PIK3C2B: variants seen among roughly 807,000 people sequenced by gnomAD.
The protein encoded by PIK3C2B is phosphatidylinositol 4-phosphate 3-kinase C2 domain-containing subunit beta.
Under a neutral mutation model 184.3 loss-of-function variants are expected in PIK3C2B, and 83 were observed. The ratio of observed to expected loss-of-function variants is 0.45; its 90% CI spans 0.38 to 0.54. The LOEUF (loss-of-function observed/expected upper bound fraction) is 0.54, where lower values mean the gene tolerates loss of function less well. Among genes scored for constraint, PIK3C2B ranks in the 20% least tolerant of loss-of-function variants. The pLI, the probability that PIK3C2B is intolerant of heterozygous loss-of-function variation, is 0.00. For synonymous variants in PIK3C2B, 779 were observed against 837.6 expected, an observed-to-expected ratio of 0.93 and a Z score of 1.21; for missense variants, 1,736 against 2,113.5, an observed-to-expected ratio of 0.82 and a Z score of 3.50.
chr1:204,429,935 G>T lies in PIK3C2B; in HGVS notation c.4384C>A (p.Pro1462Thr), dbSNP rs537055085. ...GYIWHLIHAP[P>T]EVAECDLVYT... ...AGCCCACCCACCTCGGCCACCTCAGGGGGTGCGTGGATCAAGTGCCAGATG... is the reference window on the plus strand; with the variant it reads ...AGCCCACCCACCTCGGCCACCTCAGTGGGTGCGTGGATCAAGTGCCAGATG... The change falls in exon 29 of 33, where the codon CCT becomes ACT. Residue 1462 changes from proline (P) to threonine (T), a missense_variant. Pro to Thr is a conservative substitution (Grantham distance 38). This residue lies in a region of PIK3C2B where 200 missense variants were observed against 199.1 expected (regional missense o/e 1.00). Coordinates refer to ENST00000684373, the MANE Select transcript of PIK3C2B (RefSeq NM_001377334.1). The T allele has an allele frequency of 1.2e-6, 2 of 1,609,912 alleles. No individual in the cohort carries two copies. The highest frequency in any genetic ancestry group is 1.7e-6 in the Non-Finnish European group (2 of 1,177,360).
intron 23 of PIK3C2B, among the ~76,000 whole-genome samples, chr1:204,436,072 A>G (rs945557802): frequency 1.3e-5 from 2 of 152,182 alleles, no homozygotes; most frequent in African/African-American, 4.8e-5. Flanking sequence ...TCCCTAAGTT[A>G]TGCAGGGTGT....
chr1:204,478,841 G>A (rs1656910901), intron 1 of PIK3C2B, among the ~76,000 whole-genome samples: 3 of 152,216 alleles, frequency 2.0e-5, no homozygotes, highest in Admixed American at 2.0e-4. Context: ...GACAATCAGA[G>A]GGACAGAAGC....
chr1:204,475,586 TG>T (rs1454628518), intron 1 of PIK3C2B, among the ~76,000 whole-genome samples: 1 of 152,170 alleles, frequency 6.6e-6, no homozygotes, highest in East Asian at 1.9e-4. Flanking sequence ...CTAACCAGGT[TG>T]GATTGGCATC....
At chr1:204,460,016 C>T in intron 7 of PIK3C2B, 75 bp from the exon 8 acceptor site, 1 of 1,117,396 alleles carries the variant, frequency 8.9e-7, no homozygotes, top group Non-Finnish European at 1.3e-6. Flanking sequence ...CCATTTTCTC[C>T]CTCCCTCTCC....
intron 1 of PIK3C2B, among the ~76,000 whole-genome samples, chr1:204,477,325 C>G (rs77268191): frequency 0.02 from 3,005 of 152,234 alleles, 102 homozygotes; most frequent in African/African-American, 0.069. Context: ...TTTGACCCCA[C>G]AGAAGAGGGT....
intron 1 of PIK3C2B, among the ~76,000 whole-genome samples, chr1:204,486,924 C>T (rs897627113): frequency 6.6e-6 from 1 of 152,160 alleles, no homozygotes; most frequent in East Asian, 1.9e-4. Flanking sequence ...TATCCTGCCT[C>T]AGCCTCCAGA....
chr1:204,460,551 G>T lies in PIK3C2B; in HGVS notation c.1421C>A (p.Thr474Lys), dbSNP rs142843233. 7 of 1,612,314 alleles carry T rather than the reference G, an allele frequency of 4.3e-6. No individual in the cohort carries two copies. Among genetic ancestry groups the T allele is most frequent in the South Asian group, 3.3e-5 (3 of 91,032 alleles). ...QKVVRSDLARTVNDDQSPSTL... is the reference protein window; with the variant it reads ...QKVVRSDLARKVNDDQSPSTL... ...ACCCTCCACCACCCTCACACGAACC[G>T]TCCGGGCCAGGTCACTGCGCACAAC... is the stretch of plus-strand genomic sequence containing the variant. The change falls in exon 6 of 33, where the codon ACG (threonine) becomes AAG (lysine). Residue 474 changes from threonine to lysine, a missense_variant and splice_region_variant. Thr to Lys is a moderately conservative substitution (Grantham distance 78). Around this residue, in one of 8 missense-constraint regions of PIK3C2B, gnomAD observed 609 missense variants for 699.2 expected, o/e 0.87. Coordinates refer to ENST00000684373, the MANE Select transcript of PIK3C2B (RefSeq NM_001377334.1).
intron 1 of PIK3C2B, among the ~76,000 whole-genome samples, chr1:204,487,304 C>G (rs1455921183): frequency 2.0e-5 from 3 of 152,188 alleles, no homozygotes; most frequent in Non-Finnish European, 4.4e-5. Context: ...AAATCTCGTT[C>G]CATTGCTCAA....
chr1:204,431,870 T>C, intron 27 of PIK3C2B, 77 bp from the exon 28 acceptor site: 2 of 1,545,530 alleles, frequency 1.3e-6, no homozygotes, highest in Non-Finnish European at 8.9e-7. Flanking sequence ...GGTCCGGAAG[T>C]GTATGTATGT....
At position 204,449,049 on chromosome 1, in the gene PIK3C2B, T is replaced by C. The variant is rs556874632; in HGVS notation, c.2346+136A>G. ...CATCTAACCATATTCCCTCAGTTGCTTCAGTCACATCATCCTCCCATGCTT... is the reference window on the plus strand; with the variant it reads ...CATCTAACCATATTCCCTCAGTTGCCTCAGTCACATCATCCTCCCATGCTT... On this transcript the variant is annotated intron_variant, in intron 14 of 32. Transcript: ENST00000684373. The C allele has an allele frequency of 7.5e-6, 5 of 664,190 alleles. No individual in the cohort carries two copies. In the South Asian group the frequency reaches 8.8e-5, roughly 12 times the overall value. The allele number at this position is 664,190 out of a possible 1,614,324, so 41.1% of individuals were successfully genotyped here. A position where few individuals can be genotyped will look rare whatever the true frequency, so the allele number is the denominator to read the frequency against.
intron 1 of PIK3C2B, among the ~76,000 whole-genome samples, chr1:204,491,273 C>T (rs1657981345): frequency 6.6e-6 from 1 of 151,924 alleles, no homozygotes; most frequent in Admixed American, 6.6e-5. Flanking sequence ...CCTATAATCC[C>T]AGCTACTCGG....
At chr1:204,466,889 G>A (rs1208291414) in intron 2 of PIK3C2B, 1 of 533,286 alleles carries the variant, frequency 1.9e-6, no homozygotes, top group Admixed American at 1.9e-5. Context: ...TTCCAGAGCT[G>A]GCTCCGCTGG....
At chr1:204,434,337 G>C in intron 24 of PIK3C2B, 102 bp downstream of exon 24, 1 of 1,043,906 alleles carries the variant, frequency 9.6e-7, no homozygotes, top group East Asian at 2.5e-5. Context: ...ACCATGATCT[G>C]AGGCCCAGCT....
In PIK3C2B at chr1:204,428,056, C is replaced by T; in HGVS notation, c.4480+83G>A. 6.4e-6 allele frequency: 5 copies of T among 780,962 alleles called. No homozygotes were observed. The South Asian group carries it at 7.5e-5, about 12-fold the overall frequency. 48.4% of individuals were successfully genotyped at this position (780,962 alleles called of 1,614,324 possible). A position where few individuals can be genotyped will look rare whatever the true frequency, so the allele number is the denominator to read the frequency against. The stretch of plus-strand genomic sequence containing the variant: ...CAGGAGGCAAGTCAAGGAGAGAGAA[C>T]TGAGAAGAGGTTGGGGCAGAAGCAG... On this transcript the variant is annotated intron_variant, in intron 30 of 32. Transcript: ENST00000684373.
intron 29 of PIK3C2B, among the ~76,000 whole-genome samples, chr1:204,429,579 A>T (rs113916105): frequency 6.6e-6 from 1 of 151,738 alleles, no homozygotes; most frequent in African/African-American, 2.4e-5. Flanking sequence ...CTATTTGTTT[A>T]AAAAAAAATC....
chr1:204,432,631 C>T (rs749363808), intron 26 of PIK3C2B, among the ~76,000 whole-genome samples: 1 of 152,086 alleles, frequency 6.6e-6, no homozygotes, highest in African/African-American at 2.4e-5. Flanking sequence ...CCCACCTGAG[C>T]CAAAAACCAT....
In PIK3C2B at chr1:204,433,555, G is replaced by GT. The variant is rs1675185179; in HGVS notation, c.3844-131dup. 5.5e-6 allele frequency: 4 copies of GT among 720,736 alleles called. No individual in the cohort carries two copies. The highest frequency in any genetic ancestry group is 9.5e-6 in the Non-Finnish European group (4 of 422,980). The allele number at this position is 720,736 out of a possible 1,614,324, so 44.6% of individuals were successfully genotyped here. On this transcript the variant is annotated intron_variant, in intron 25 of 32. Transcript: ENST00000684373. The surrounding 1 kb of genome is among the most constrained non-coding windows in gnomAD (Gnocchi z 5.0). ...TTCTAGAGGGTGGTAGACAGATGCTGTGGGCAGTGGCTGGAGGGCCACAGG... is the reference window on the plus strand; with the variant it reads ...TTCTAGAGGGTGGTAGACAGATGCTGTTGGGCAGTGGCTGGAGGGCCACAGG...
At chr1:204,477,469 C>T (rs911595853) in intron 1 of PIK3C2B, among the ~76,000 whole-genome samples, 1 of 152,234 alleles carries the variant, frequency 6.6e-6, no homozygotes, top group African/African-American at 2.4e-5. Flanking sequence ...AGGCACCAAA[C>T]TCAGTCTCAC....
rs201786579 is a variant in PIK3C2B, at chr1:204,454,789, T to C, written c.1946A>G (p.Tyr649Cys). 87 of 1,611,140 alleles carry C rather than the reference T, an allele frequency of 5.4e-5. No individual in the cohort carries two copies. Among genetic ancestry groups the C allele is most frequent in the Non-Finnish European group, 7.0e-5 (82 of 1,179,840 alleles). The change falls in exon 12 of 33, where the codon TAT (tyrosine) becomes TGT (cysteine). Residue 649 changes from tyrosine (Y) to cysteine (C), a missense_variant and splice_region_variant. This residue lies in a region of PIK3C2B where 609 missense variants were observed against 699.2 expected (regional missense o/e 0.87). Coordinates refer to ENST00000684373, the MANE Select transcript of PIK3C2B (RefSeq NM_001377334.1). ...GGAGCAGGAGAGGTAGAAATCTTCA[T>C]AGCTATAAAAGAAAGGGAGCAGGTC... ...HRIPIIWATS[Y>C]EDFYLSCSLS... is the part of the protein sequence containing the mutation.
Sources: gnomAD v4.1 joint callset for allele counts (sites outside exome capture counted in the v4.1 genomes callset) on GRCh38, gnomAD v4.1.1 for gene constraint, gnomAD v4.1.1 regional missense constraint, Gnocchi (gnomAD v3.1) non-coding constraint, MANE v1.5 for transcripts, NCBI Gene and HGNC (gene_info 2026-07-23, HGNC 2026-07-21) for gene names.